Variants in ZRANB3 observed in about 807,000 individuals in gnomAD.
ZRANB3 encodes zinc finger RANBP2-type containing 3.
ZRANB3 carries 125 observed loss-of-function variants against 133.8 expected under a neutral mutation model. The ratio of observed to expected loss-of-function variants is 0.93; its 90% CI spans 0.81 to 1.08. The LOEUF is 1.08. Ranked by LOEUF, ZRANB3 falls within the 50% of genes least tolerant of loss-of-function variation. The probability of loss-of-function intolerance (pLI) is 0.00; values close to 1 mark genes in which losing one functional copy is unlikely to be tolerated. For missense variants in ZRANB3, 1,229 were observed against 1,275.5 expected (o/e 0.96, Z 0.56); for synonymous variants, 387 against 432.7 (o/e 0.89, Z 1.31).
intron 2 of ZRANB3, among the ~76,000 whole-genome samples, chr2:135,407,607 A>C (rs1224799465): frequency 2.0e-5 from 3 of 151,362 alleles, no homozygotes; most frequent in African/African-American, 4.9e-5. Flanking sequence ...ACAGCATGGT[A>C]CTAGTACCAA....
At position 135,301,073 on chromosome 2, in the gene ZRANB3, C is replaced by T. The variant is rs567987874; in HGVS notation, c.966+12416G>A. ...TCACCCAGGCTAGAATGCAGTGGCA[C>T]GATCGTGGCTCACTGCAGCCTTGAC... On this transcript the variant is annotated intron_variant, in intron 8 of 20. Coordinates refer to ENST00000264159, the MANE Select transcript of ZRANB3 (RefSeq NM_032143.4). 5.3e-5 allele frequency among the ~76,000 whole-genome samples: 8 copies of T among 152,240 alleles called. No individual in the cohort carries two copies. In the South Asian group the frequency reaches 8.3e-4, roughly 16 times the overall value.
chr2:135,256,226 G>T (rs1679646349), intron 12 of ZRANB3, among the ~76,000 whole-genome samples: 1 of 152,064 alleles, frequency 6.6e-6, no homozygotes, highest in African/African-American at 2.4e-5. Flanking sequence ...GCCTATTCTG[G>T]CTAATCTGAA....
At chr2:135,368,530 A>G (rs1686034414) in intron 3 of ZRANB3, among the ~76,000 whole-genome samples, 1 of 152,048 alleles carries the variant, frequency 6.6e-6, no homozygotes, top group Admixed American at 6.6e-5. Flanking sequence ...AAATGTTGAA[A>G]TAAAGTAGTA....
At chr2:135,417,740 A>G (rs1674028634) in intron 2 of ZRANB3, among the ~76,000 whole-genome samples, 1 of 152,240 alleles carries the variant, frequency 6.6e-6, no homozygotes, top group Non-Finnish European at 1.5e-5. Context: ...GGCTGGATTA[A>G]GAAAATGTGG....
intron 2 of ZRANB3, among the ~76,000 whole-genome samples, chr2:135,440,151 A>C (rs1689716791): frequency 6.6e-6 from 1 of 152,172 alleles, no homozygotes; most frequent in African/African-American, 2.4e-5. Context: ...CCTCAAAATC[A>C]TATTACTTTT....
intron 2 of ZRANB3, among the ~76,000 whole-genome samples, chr2:135,432,165 G>T (rs570847555): frequency 1.0e-3 from 155 of 152,216 alleles, no homozygotes; most frequent in African/African-American, 3.6e-3. Flanking sequence ...CAGGAGAATC[G>T]CTTGAACCCA....
intron 1 of ZRANB3, among the ~76,000 whole-genome samples, chr2:135,518,694 TC>T (rs1693798638): frequency 6.6e-6 from 1 of 152,132 alleles, no homozygotes. Context: ...TTGGAACTGT[TC>T]CTATTCAGCC....
intron 6 of ZRANB3, among the ~76,000 whole-genome samples, chr2:135,338,260 A>C (rs1684458676): frequency 6.6e-6 from 1 of 152,238 alleles, no homozygotes; most frequent in Admixed American, 6.5e-5. Flanking sequence ...CATTGGGAAT[A>C]GAATACTGGA....
intron 2 of ZRANB3, among the ~76,000 whole-genome samples, chr2:135,394,757 C>A (rs1362416843): frequency 6.6e-6 from 1 of 151,610 alleles, no homozygotes; most frequent in Non-Finnish European, 1.5e-5. Flanking sequence ...TGGAGCACTA[C>A]AACAATGAGA....
At position 135,200,434 on chromosome 2, in the gene ZRANB3, C is replaced by A; in HGVS notation, c.3148G>T (p.Ala1050Ser). ...TGGCTTCTTTCCTTAGCTTGTCTGG[C>A]AGTTCTCTAAAAGTTAAAAAATATG... Reference protein sequence around the residue: ...LCTVCHKERTARQAKERSQVR... With the variant: ...LCTVCHKERTSRQAKERSQVR... Residue 1050 changes from alanine (A) to serine (S), a missense_variant, in exon 21 of 21, where the codon GCC becomes TCC. Ala to Ser is a moderately conservative substitution (Grantham distance 99, BLOSUM62 1). Transcript: ENST00000264159. 6.3e-7 allele frequency: 1 copy of A among 1,599,138 alleles called. No individual in the cohort carries two copies. The highest frequency in any genetic ancestry group is 8.5e-7 in the Non-Finnish European group (1 of 1,171,928).
At chr2:135,272,574 C>T (rs1680580774) in intron 9 of ZRANB3, among the ~76,000 whole-genome samples, 1 of 151,550 alleles carries the variant, frequency 6.6e-6, no homozygotes, top group Non-Finnish European at 1.5e-5. Context: ...CCACCACGCC[C>T]GGCTAATTTT....
At chr2:135,399,396 A>G (rs1452822482) in intron 2 of ZRANB3, among the ~76,000 whole-genome samples, 1 of 152,224 alleles carries the variant, frequency 6.6e-6, no homozygotes, top group Non-Finnish European at 1.5e-5. Context: ...ACAAAAATTC[A>G]CAGGTTTTTA....
At chr2:135,276,114 A>G (rs1680809334) in intron 8 of ZRANB3, among the ~76,000 whole-genome samples, 1 of 152,152 alleles carries the variant, frequency 6.6e-6, no homozygotes, top group Non-Finnish European at 1.5e-5. Flanking sequence ...TATAAGACCA[A>G]GTAGAACAGA....
At chr2:135,233,411 G>C (rs1695125416) in intron 12 of ZRANB3, among the ~76,000 whole-genome samples, 1 of 152,162 alleles carries the variant, frequency 6.6e-6, no homozygotes, top group Non-Finnish European at 1.5e-5. Flanking sequence ...TGGCAAGGCA[G>C]GCCAACATTC....
intron 3 of ZRANB3, among the ~76,000 whole-genome samples, chr2:135,383,331 C>A (rs552994511): frequency 2.0e-5 from 3 of 152,290 alleles, no homozygotes; most frequent in Admixed American, 1.3e-4. Flanking sequence ...TACAGGAGCA[C>A]ACAGATTCAT....
At chr2:135,429,685 A>G (rs2104979966) in intron 2 of ZRANB3, among the ~76,000 whole-genome samples, 1 of 152,302 alleles carries the variant, frequency 6.6e-6, no homozygotes, top group Admixed American at 6.5e-5. Context: ...GAATGCCTAA[A>G]ACTGGAAAAA....
In ZRANB3 at chr2:135,269,140, C is replaced by A; in HGVS notation, c.1208G>T (p.Gly403Val). 1.3e-6 allele frequency: 2 copies of A among 1,588,512 alleles called. No homozygotes were observed. Among genetic ancestry groups the A allele is most frequent in the Non-Finnish European group, 1.7e-6 (2 of 1,169,966 alleles). ...ATGACTTGCTGCAGTAAATGTTAAT[C>A]CCTAAGTGAAATAAAGCAAATAAAT... ...AILSIQAAGQ[G>V]LTFTAASHVV... The change falls in exon 11 of 21, where the codon GGA becomes GTA. Residue 403 changes from glycine (G) to valine (V), a missense_variant and splice_region_variant. Physicochemically the swap from Gly to Val is moderately radical, Grantham distance 109. Transcript: ENST00000264159.
rs1262771510 is a variant in ZRANB3, at chr2:135,365,032, G to A, written c.181-11404C>T. 2.6e-5 allele frequency among the ~76,000 whole-genome samples: 4 copies of A among 151,332 alleles called. No individual in the cohort carries two copies. The East Asian group carries it at 7.7e-4, about 29-fold the overall frequency. On this transcript the variant is annotated intron_variant, in intron 3 of 20. Transcript: ENST00000264159. ...CCACTGCACTCCAGCCTGGGCAACAGAGACTCTGTCTCAAAAAAAAAAATA... is the reference window on the plus strand; with the variant it reads ...CCACTGCACTCCAGCCTGGGCAACAAAGACTCTGTCTCAAAAAAAAAAATA...
chr2:135,419,414 AG>A (rs1218843948), intron 2 of ZRANB3, among the ~76,000 whole-genome samples: 1 of 151,978 alleles, frequency 6.6e-6, no homozygotes, highest in Non-Finnish European at 1.5e-5. Flanking sequence ...GTGTGTACAG[AG>A]AAAGAGAGAG....
Sources: gnomAD v4.1 joint callset for allele counts (sites outside exome capture counted in the v4.1 genomes callset) on GRCh38, gnomAD v4.1.1 for gene constraint, MANE v1.5 for transcripts, NCBI Gene and HGNC (gene_info 2026-07-23, HGNC 2026-07-21) for gene names.